Variants in AOAH observed in about 807,000 individuals in gnomAD.
The protein encoded by AOAH is acyloxyacyl hydrolase, also known as acyloxyacyl hydrolase (neutrophil).
A neutral mutation model predicts 92.2 loss-of-function variants in AOAH; 64 were observed. That is an observed-to-expected ratio of 0.69 (90% confidence interval 0.57 to 0.86). The LOEUF (loss-of-function observed/expected upper bound fraction) is 0.86. Among genes scored for constraint, AOAH ranks in the 40% least tolerant of loss-of-function variants. The probability of loss-of-function intolerance (pLI) is 0.00; values close to 1 mark genes in which losing one functional copy is unlikely to be tolerated. For synonymous variants in AOAH, 263 were observed against 254.5 expected (o/e 1.03, Z -0.32); for missense variants, 656 against 694.6 (o/e 0.94, Z 0.62).
intron 4 of AOAH, among the ~76,000 whole-genome samples, chr7:36,645,970 A>G (rs1391978270): frequency 6.6e-6 from 1 of 152,116 alleles, no homozygotes; most frequent in Non-Finnish European, 1.5e-5. Flanking sequence ...CACTCTTGCT[A>G]TCGCTTCCTA....
At chr7:36,660,251 C>G (rs577927895) in intron 3 of AOAH, among the ~76,000 whole-genome samples, 1 of 152,206 alleles carries the variant, frequency 6.6e-6, no homozygotes, top group African/African-American at 2.4e-5. Context: ...TTCACACGGA[C>G]GTGCTTGACA....
intron 13 of AOAH, among the ~76,000 whole-genome samples, chr7:36,557,498 G>T (rs1379481768): frequency 1.5e-4 from 23 of 149,468 alleles, no homozygotes; most frequent in East Asian, 3.9e-4. Context: ...TCTTTGTGGT[G>T]TTCTCTGTAT....
intron 3 of AOAH, among the ~76,000 whole-genome samples, chr7:36,670,025 G>T (rs1311305208): frequency 6.6e-6 from 1 of 151,998 alleles, no homozygotes; most frequent in Non-Finnish European, 1.5e-5. Flanking sequence ...CATGACTCAG[G>T]TTCTTAGGGG....
intron 1 of AOAH, among the ~76,000 whole-genome samples, chr7:36,706,181 T>C (rs1798396582): frequency 1.3e-5 from 2 of 152,124 alleles, no homozygotes; most frequent in Non-Finnish European, 2.9e-5. Flanking sequence ...ATTTCTTACA[T>C]AATAAGACTT....
chr7:36,613,665 T>C (rs1791646507), intron 11 of AOAH, among the ~76,000 whole-genome samples: 1 of 152,222 alleles, frequency 6.6e-6, no homozygotes, highest in Admixed American at 6.5e-5. Context: ...TCCTGTTTTC[T>C]GCACCATCCA....
At chr7:36,672,321 C>G (rs931811454) in intron 3 of AOAH, among the ~76,000 whole-genome samples, 1 of 152,156 alleles carries the variant, frequency 6.6e-6, no homozygotes, top group African/African-American at 2.4e-5. Flanking sequence ...TGCTGTAAGG[C>G]TAATGGCCCC....
chr7:36,573,455 C>T (rs1054641147), intron 13 of AOAH, among the ~76,000 whole-genome samples: 1 of 152,190 alleles, frequency 6.6e-6, no homozygotes, highest in Non-Finnish European at 1.5e-5. Context: ...CACAGTCACA[C>T]GCCTGTAACC....
chr7:36,692,244 T>G (rs1797446271), intron 1 of AOAH, among the ~76,000 whole-genome samples: 1 of 152,306 alleles, frequency 6.6e-6, no homozygotes, highest in South Asian at 2.1e-4. Flanking sequence ...TCCTCTCCCG[T>G]CTACTAAGGC....
chr7:36,696,770 G>A (rs1176839130), intron 1 of AOAH, among the ~76,000 whole-genome samples: 1 of 151,982 alleles, frequency 6.6e-6, no homozygotes, highest in Non-Finnish European at 1.5e-5. Context: ...TGAGGCAGGA[G>A]AATTGCTTGA....
At chr7:36,705,157 G>A (rs1798311649) in intron 1 of AOAH, among the ~76,000 whole-genome samples, 1 of 151,926 alleles carries the variant, frequency 6.6e-6, no homozygotes, top group Non-Finnish European at 1.5e-5. Context: ...AATCAGGCAA[G>A]AGAAATAGAT....
chr7:36,659,903 C>A (rs1795112046), intron 3 of AOAH, among the ~76,000 whole-genome samples: 1 of 152,004 alleles, frequency 6.6e-6, no homozygotes, highest in South Asian at 2.1e-4. Context: ...AGAAAAACTA[C>A]AAAGAAGTAA....
At chr7:36,713,882 C>T (rs1798949176) in intron 1 of AOAH, among the ~76,000 whole-genome samples, 1 of 152,108 alleles carries the variant, frequency 6.6e-6, no homozygotes, top group Admixed American at 6.5e-5. Flanking sequence ...CAGGAAAGAT[C>T]TAAAATTGAC....
At chr7:36,548,552 G>C in intron 15 of AOAH, 60 bp downstream of exon 15, 1 of 1,400,768 alleles carries the variant, frequency 7.1e-7, no homozygotes, top group Non-Finnish European at 1.0e-6. Context: ...TTGGTGAGGA[G>C]AGGGTGGGGA....
intron 1 of AOAH, among the ~76,000 whole-genome samples, chr7:36,694,201 C>G (rs983625941): frequency 6.6e-6 from 1 of 152,104 alleles, no homozygotes. Context: ...CCTGTGAAAG[C>G]CTAATGCACT....
chr7:36,566,748 C>T (rs1787742199), intron 13 of AOAH, among the ~76,000 whole-genome samples: 1 of 152,082 alleles, frequency 6.6e-6, no homozygotes, highest in South Asian at 2.1e-4. Context: ...TGATATATGA[C>T]CTTCCTCCAG....
chr7:36,714,882 G>A (rs1799023568), intron 1 of AOAH, among the ~76,000 whole-genome samples: 1 of 152,122 alleles, frequency 6.6e-6, no homozygotes, highest in Non-Finnish European at 1.5e-5. Flanking sequence ...TACTGAATGG[G>A]CAAAAACTGG....
At chr7:36,514,967 T>C (rs1790252468) in intron 20 of AOAH, among the ~76,000 whole-genome samples, 2 of 151,868 alleles carry the variant, frequency 1.3e-5, no homozygotes, top group Non-Finnish European at 2.9e-5. Context: ...CATTTTAATG[T>C]GTTCTGAGCC....
chr7:36,663,010 CTCAG>C (rs1464524917), intron 3 of AOAH, among the ~76,000 whole-genome samples: 6 of 152,232 alleles, frequency 3.9e-5, no homozygotes, highest in Non-Finnish European at 7.3e-5. Context: ...TGTACTCTTG[CTCAG>C]CCTTGGGACA....
At position 36,706,735 on chromosome 7, in the gene AOAH, T is replaced by A. The variant is rs541937120; in HGVS notation, c.127+17287A>T. ...TTTCTGGATAACTTGCTGTAGCTTCTACATCAGCATGTGTTCCTTCACCTT... is the reference window on the plus strand; with the variant it reads ...TTTCTGGATAACTTGCTGTAGCTTCAACATCAGCATGTGTTCCTTCACCTT... On this transcript the variant is annotated intron_variant, in intron 1 of 20. Coordinates refer to ENST00000617537, the MANE Select transcript of AOAH (RefSeq NM_001637.4). Among the ~76,000 whole-genome samples the A allele has an allele frequency of 1.1e-4, 17 of 152,354 alleles. 1 individual carries two copies. The highest frequency in any genetic ancestry group is 8.3e-4 in the South Asian group (4 of 4,828).
Sources: gnomAD v4.1 joint callset for allele counts (sites outside exome capture counted in the v4.1 genomes callset) on GRCh38, gnomAD v4.1.1 for gene constraint, MANE v1.5 for transcripts, NCBI Gene and HGNC (gene_info 2026-07-23, HGNC 2026-07-21) for gene names.